PSD4: variants seen among roughly 807,000 people sequenced by gnomAD.
PSD4 encodes the protein pleckstrin and Sec7 domain containing 4.
PSD4 carries 59 observed loss-of-function variants against 112.5 expected under a neutral mutation model. The ratio of observed to expected loss-of-function variants is 0.52; its 90% CI spans 0.43 to 0.65. PSD4 has a LOEUF of 0.65. Among genes scored for constraint, PSD4 ranks in the 30% least tolerant of loss-of-function variants. The pLI is 0.00. For synonymous variants in PSD4, 533 were observed against 540.0 expected (o/e 0.99, Z 0.18); for missense variants, 1,267 against 1,352.6 (o/e 0.94, Z 0.99).
chr2:113,198,712 CG>C (rs766996810), intron 14 of PSD4, 27 bp from the exon 15 acceptor site: 4 of 1,516,376 alleles, frequency 2.6e-6, no homozygotes, highest in East Asian at 4.8e-5. Flanking sequence ...TCTGTGTCCC[CG>C]GGGACCAACG....
intron 5 of PSD4, among the ~76,000 whole-genome samples, chr2:113,190,582 G>A (rs6753019): frequency 0.77 from 116,843 of 152,032 alleles, 45,554 homozygotes; most frequent in Middle Eastern, 0.92. Context: ...CCACAGGCGT[G>A]TATCACTACA....
chr2:113,200,317 G>A (rs780413469), intron 16 of PSD4, among the ~76,000 whole-genome samples: 25 of 152,240 alleles, frequency 1.6e-4, no homozygotes, highest in Non-Finnish European at 3.2e-4. Flanking sequence ...TGGGCAGGAA[G>A]GGTAGGTGAA....
At chr2:113,183,797 T>C (rs1015025965) in intron 2 of PSD4, among the ~76,000 whole-genome samples, 2 of 152,130 alleles carry the variant, frequency 1.3e-5, no homozygotes, top group Non-Finnish European at 2.9e-5. Context: ...CTAGATACGT[T>C]TGGAGAACAA....
chr2:113,208,423 C>T lies in PSD4; in HGVS notation c.*7008C>T, dbSNP rs950564976. The T allele has an allele frequency of 2.0e-5, 3 of 152,190 alleles. No individual in the cohort carries two copies. Among genetic ancestry groups the T allele is most frequent in the Non-Finnish European group, 4.4e-5 (3 of 68,038 alleles). The allele number at this position is 152,190 out of a possible 1,614,324, so 9.4% of individuals were successfully genotyped here. A position where few individuals can be genotyped will look rare whatever the true frequency, so the allele number is the denominator to read the frequency against. On this transcript the variant is annotated 3_prime_UTR_variant, in exon 17 of 17. Coordinates refer to ENST00000245796, the MANE Select transcript of PSD4 (RefSeq NM_012455.3). The stretch of plus-strand genomic sequence containing the variant: ...GGTGTTACTATATTACCTGTAAGAC[C>T]ACACTCGGTGTCATCTCCTGCAAAC...
At position 113,173,978 on chromosome 2, in the gene PSD4, C is replaced by T. The variant is rs1687897150; in HGVS notation, c.-188C>T. On this transcript the variant is annotated 5_prime_UTR_variant, in exon 1 of 17. Transcript: ENST00000245796. Reference sequence around the variant, plus strand: ...GCTCCAGCCGTCACAGCCACATTCACTGGGCAAGCCGACTGTGAGCCAGGA... The same window carrying T: ...GCTCCAGCCGTCACAGCCACATTCATTGGGCAAGCCGACTGTGAGCCAGGA... The T allele has an allele frequency of 6.6e-6, 1 of 152,404 alleles. No homozygotes were observed. The highest frequency in any genetic ancestry group is 2.4e-5 in the African/African-American group (1 of 41,444). 9.4% of individuals were successfully genotyped at this position (152,404 alleles called of 1,614,324 possible).
At chr2:113,180,243 G>A (rs914092355) in intron 1 of PSD4, among the ~76,000 whole-genome samples, 10 of 152,156 alleles carry the variant, frequency 6.6e-5, no homozygotes, top group Admixed American at 1.3e-4. Context: ...AATCACCTCC[G>A]TTAACCCTAG....
Position 113,182,828 on chromosome 2 carries a change from G to A in PSD4, c.372G>A (p.Glu124=), listed in dbSNP as rs17857060. ...TGGGGAGCCCCTCTGCCCAGAGGGA[G>A]CACAGGCAGAACACAGCATCACCAG... The part of the protein sequence containing the change: ...THLGSPSAQR[E]HRQNTASPGS... The change falls in exon 2 of 17, where the codon GAG becomes GAA. Residue 124 remains glutamate (E), a synonymous_variant. Transcript: ENST00000245796. The A allele has an allele frequency of 1.2e-6, 2 of 1,612,698 alleles. No homozygotes were observed. Among genetic ancestry groups the A allele is most frequent in the Admixed American group, 1.7e-5 (1 of 59,936 alleles).
chr2:113,180,327 C>T lies in PSD4; in HGVS notation c.-111-2019C>T, dbSNP rs534267816. Among the ~76,000 whole-genome samples the T allele has an allele frequency of 7.5e-4, 114 of 152,308 alleles. No homozygotes were observed. The South Asian group carries it at 0.01, about 14-fold the overall frequency. ...ATCCACTCAGTTGTATGTGGCAGGA[C>T]GAGGGTTTGAGCTGCAGTCCATGTG... On this transcript the variant is annotated intron_variant, in intron 1 of 16. Transcript: ENST00000245796.
Position 113,193,593 on chromosome 2 carries a change from T to G in PSD4, c.2034T>G (p.Asp678Glu), listed in dbSNP as rs764383111. The G allele has an allele frequency of 1.2e-6, 2 of 1,613,090 alleles. No individual in the cohort carries two copies. The highest frequency in any genetic ancestry group is 2.7e-5 in the African/African-American group (2 of 74,886). Reference protein sequence around the residue: ...HCNPGIFPSVDSVHTLTCAIM... With the variant: ...HCNPGIFPSVESVHTLTCAIM... Reference sequence around the variant, plus strand: ...TCCACTTACCTATCTCTGGGGTAGATTCTGTACACACCTTGACATGTGCAA... The same window carrying G: ...TCCACTTACCTATCTCTGGGGTAGAGTCTGTACACACCTTGACATGTGCAA... Residue 678 changes from aspartate to glutamate, a missense_variant and splice_region_variant, in exon 9 of 17, where the codon GAT (aspartate) becomes GAG (glutamate). Transcript: ENST00000245796.
chr2:113,199,318 C>A, intron 16 of PSD4, 92 bp downstream of exon 16: 1 of 1,286,564 alleles, frequency 7.8e-7, no homozygotes, highest in Non-Finnish European at 9.8e-7. Context: ...ACTGCCCTGA[C>A]CGCGCCGGGG....
Position 113,208,387 on chromosome 2 carries a change from C to T in PSD4, c.*6972C>T, listed in dbSNP as rs1688894773. 1.3e-5 allele frequency: 2 copies of T among 152,134 alleles called. No individual in the cohort carries two copies. The highest frequency in any genetic ancestry group is 1.5e-5 in the Non-Finnish European group (1 of 68,032). The allele number at this position is 152,134 out of a possible 1,614,324, so 9.4% of individuals were successfully genotyped here. On this transcript the variant is annotated 3_prime_UTR_variant, in exon 17 of 17. Coordinates refer to ENST00000245796, the MANE Select transcript of PSD4 (RefSeq NM_012455.3). ...ATATCTTCCTGAAATTACAAATGAC[C>T]ATACGGTACAGGTGTTACTATATTA...
rs767589874 is a variant in PSD4 at position 113,185,027 on chromosome 2, G to A, written c.1127G>A (p.Cys376Tyr). ...VDEALTWESGCVGSDLGPAAH... is the reference protein window; with the variant it reads ...VDEALTWESGYVGSDLGPAAH... ...GAAGCATTGACCTGGGAATCAGGAT[G>A]TGTCGGATCTGATCTTGGCCCTGCT... is the stretch of plus-strand genomic sequence containing the variant. The change falls in exon 3 of 17, where the codon TGT becomes TAT. Residue 376 changes from cysteine to tyrosine, a missense_variant. By Grantham distance (194) the Cys-to-Tyr change is radical. Transcript: ENST00000245796. 8 of 1,614,266 alleles carry A rather than the reference G, an allele frequency of 5.0e-6. No homozygotes were observed. The South Asian group carries it at 7.7e-5, about 16-fold the overall frequency.
chr2:113,195,552 G>T, intron 10 of PSD4, among the ~76,000 whole-genome samples, 175 bp from the exon 11 acceptor site: 1 of 54,548 alleles, frequency 1.8e-5, no homozygotes. Context: ...TGGATGGATG[G>T]ATGGATGGAT....
At chr2:113,190,689 A>G (rs1000103257) in intron 5 of PSD4, among the ~76,000 whole-genome samples, 13 of 152,166 alleles carry the variant, frequency 8.5e-5, no homozygotes, top group Non-Finnish European at 1.8e-4. Context: ...TCTTGAGCTC[A>G]AGCAATCCTC....
At chr2:113,195,929 G>A (rs1688596241) in intron 11 of PSD4, among the ~76,000 whole-genome samples, 159 bp downstream of exon 11, 1 of 152,138 alleles carries the variant, frequency 6.6e-6, no homozygotes, top group Non-Finnish European at 1.5e-5. Context: ...GAGCATAGAG[G>A]AGCCCAAGTA....
chr2:113,185,016 G>A lies in PSD4; in HGVS notation c.1116G>A (p.Trp372Ter). 1 of 1,614,264 alleles carries A rather than the reference G, an allele frequency of 6.2e-7. No homozygotes were observed. The highest frequency in any genetic ancestry group is 8.5e-7 in the Non-Finnish European group (1 of 1,180,046). The change falls in exon 3 of 17, where the codon TGG becomes TGA. Residue 372 changes from tryptophan to a stop codon, truncating the protein, a stop_gained. Transcript: ENST00000245796. LOFTEE classifies it high-confidence loss of function. ...CGTGTGTGGACGAAGCATTGACCTG[G>A]GAATCAGGATGTGTCGGATCTGATC... ...AAPCVDEALT[W>*]ESGCVGSDLG...
chr2:113,198,365 G>A lies in PSD4; in HGVS notation c.2625-375G>A, dbSNP rs147663793. On this transcript the variant is annotated intron_variant, in intron 14 of 16. Coordinates refer to ENST00000245796, the MANE Select transcript of PSD4 (RefSeq NM_012455.3). ...CGGCTCACTGCAACCGCCGCCTCCC[G>A]GGTTCAAGCGATTCTCATGCCTGAG... is the stretch of plus-strand genomic sequence containing the variant. Among the ~76,000 whole-genome samples the A allele has an allele frequency of 8.7e-4, 133 of 152,308 alleles. 3 individuals carry two copies. In the East Asian group the frequency reaches 0.018, roughly 20 times the overall value.
rs532366831 is a variant in PSD4 at position 113,206,134 on chromosome 2, C to G, written c.*4719C>G. 1 of 152,432 alleles carries G rather than the reference C, an allele frequency of 6.6e-6. No homozygotes were observed. Among genetic ancestry groups the G allele is most frequent in the East Asian group, 1.9e-4 (1 of 5,190 alleles). 9.4% of individuals were successfully genotyped at this position (152,432 alleles called of 1,614,324 possible). A position where few individuals can be genotyped will look rare whatever the true frequency, so the allele number is the denominator to read the frequency against. ...GCTCTTTGAGCCTATTCTCTACCCC[C>G]TTCATTATCATGCCTTGCAAACACC... On this transcript the variant is annotated 3_prime_UTR_variant, in exon 17 of 17. Coordinates refer to ENST00000245796, the MANE Select transcript of PSD4 (RefSeq NM_012455.3).
At chr2:113,176,255 G>T (rs1687970301) in intron 1 of PSD4, among the ~76,000 whole-genome samples, 1 of 152,216 alleles carries the variant, frequency 6.6e-6, no homozygotes, top group Non-Finnish European at 1.5e-5. Context: ...TGTCAGCTGG[G>T]TTCCTTCCTG....
Sources: allele counts gnomAD v4.1 joint callset (sites outside exome capture counted in the v4.1 genomes callset), GRCh38; gene constraint gnomAD v4.1.1; transcripts MANE v1.5; gene names NCBI Gene and HGNC (gene_info 2026-07-23, HGNC 2026-07-21).